Variants in ARID1B observed in about 807,000 individuals in gnomAD.
ARID1B encodes the protein AT-rich interaction domain 1B.
Under a neutral mutation model 212.3 loss-of-function variants are expected in ARID1B, and 30 were observed. That is an observed-to-expected ratio of 0.14 (90% CI 0.11 to 0.19). The LOEUF (loss-of-function observed/expected upper bound fraction) is 0.19. ARID1B is among the 10% of genes least tolerant of loss of function. The pLI is 1.00. For synonymous variants in ARID1B, 1,402 were observed against 1,301.7 expected (o/e 1.08, Z -1.66); for missense variants, 2,891 against 3,204.0 (o/e 0.90, Z 2.36).
intron 4 of ARID1B, among the ~76,000 whole-genome samples, chr6:157,062,976 A>AT (rs1783447441): frequency 1.3e-5 from 2 of 152,208 alleles, no homozygotes; most frequent in Non-Finnish European, 2.9e-5. Context: ...AAGTGCTGGG[A>AT]TTACAGCCGT....
At chr6:157,147,209 C>A in intron 7 of ARID1B, among the ~76,000 whole-genome samples, 1 of 98,098 alleles carries the variant, frequency 1.0e-5, no homozygotes. Context: ...CCGCCTCCGG[C>A]CCTGCCCTCC....
chr6:157,142,299 T>A (rs1460080842), intron 7 of ARID1B, among the ~76,000 whole-genome samples: 1 of 152,160 alleles, frequency 6.6e-6, no homozygotes, highest in East Asian at 1.9e-4. Flanking sequence ...GTGCTGTCGA[T>A]TACAGGATTA....
chr6:156,823,539 T>A (rs1213319098), intron 1 of ARID1B, among the ~76,000 whole-genome samples: 1 of 152,164 alleles, frequency 6.6e-6, no homozygotes, highest in African/African-American at 2.4e-5. Flanking sequence ...TTCAAAAGTT[T>A]TCTTTAGTTA....
At chr6:156,925,788 AT>A in intron 3 of ARID1B, among the ~76,000 whole-genome samples, 1 of 152,204 alleles carries the variant, frequency 6.6e-6, no homozygotes, top group African/African-American at 2.4e-5. Flanking sequence ...AATTGAAGGG[AT>A]TTAGTAGTCT....
At chr6:156,850,330 C>T (rs114011482) in intron 2 of ARID1B, among the ~76,000 whole-genome samples, 390 of 152,110 alleles carry the variant, frequency 2.6e-3, no homozygotes, top group African/African-American at 8.3e-3. Context: ...TGATTTTGGA[C>T]GCCAGTATTC....
intron 2 of ARID1B, among the ~76,000 whole-genome samples, chr6:156,899,208 T>C (rs1156235423): frequency 1.3e-5 from 2 of 150,300 alleles, no homozygotes; most frequent in Non-Finnish European, 3.0e-5. Flanking sequence ...GGCAGAGTCA[T>C]GTGACTGACC....
At chr6:157,025,343 A>G (rs1780590300) in intron 4 of ARID1B, among the ~76,000 whole-genome samples, 1 of 152,256 alleles carries the variant, frequency 6.6e-6, no homozygotes, top group African/African-American at 2.4e-5. Flanking sequence ...TTTTCTGAGC[A>G]TTGTGGATGG....
chr6:157,146,534 C>T (rs1210574110), intron 7 of ARID1B, among the ~76,000 whole-genome samples: 1 of 152,220 alleles, frequency 6.6e-6, no homozygotes, highest in Non-Finnish European at 1.5e-5. Flanking sequence ...ACTCTCCCTT[C>T]TCTCTTGCAC....
At chr6:156,894,293 T>TGGGATGGGGGCCGGGGGGG (rs1788206502) in intron 2 of ARID1B, among the ~76,000 whole-genome samples, 5 of 85,352 alleles carry the variant, frequency 5.9e-5, no homozygotes, top group African/African-American at 9.6e-5. Flanking sequence ...GGCCGGGGGG[T>TGGGATGGGGGCCGGGGGGG]TGGGATGGGG....
intron 4 of ARID1B, among the ~76,000 whole-genome samples, chr6:157,054,923 G>A (rs531611207): frequency 1.5e-4 from 23 of 152,204 alleles, no homozygotes; most frequent in Non-Finnish European, 2.9e-4. Context: ...CCCCAGTGGT[G>A]GGTCTCTTTT....
At chr6:156,815,153 A>G (rs1419199232) in intron 1 of ARID1B, among the ~76,000 whole-genome samples, 2 of 152,330 alleles carry the variant, frequency 1.3e-5, no homozygotes, top group East Asian at 3.9e-4. Context: ...AAAGAAGAGT[A>G]TGGGAAATTG....
intron 1 of ARID1B, among the ~76,000 whole-genome samples, chr6:156,800,896 TA>T (rs903817133): frequency 7.3e-5 from 11 of 150,498 alleles, no homozygotes; most frequent in East Asian, 3.9e-4. Flanking sequence ...CCGTGTCTCT[TA>T]AAAAAAAAAT....
chr6:157,152,189 C>T (rs1452662821), intron 8 of ARID1B: 1 of 152,222 alleles, frequency 6.6e-6, no homozygotes, highest in African/African-American at 2.4e-5. Context: ...CCAGAGGCCT[C>T]TTTAGACCCA....
At chr6:156,894,469 C>A (rs1314225144) in intron 2 of ARID1B, among the ~76,000 whole-genome samples, 2 of 152,070 alleles carry the variant, frequency 1.3e-5, no homozygotes, top group African/African-American at 4.8e-5. Flanking sequence ...TTAAAATGGT[C>A]AATTTTGTGT....
chr6:157,146,220 C>T (rs533931442), intron 7 of ARID1B, among the ~76,000 whole-genome samples: 2 of 152,330 alleles, frequency 1.3e-5, no homozygotes, highest in South Asian at 4.1e-4. Context: ...CAATGAAACC[C>T]CCATCAAGTG....
At chr6:157,166,875 C>A in intron 8 of ARID1B, 165 bp from the exon 9 acceptor site, 1 of 888,216 alleles carries the variant, frequency 1.1e-6, no homozygotes. Flanking sequence ...AGTTACCTAG[C>A]AATAGAATTC....
chr6:157,150,215 C>A (rs1402100827), intron 8 of ARID1B: 1 of 152,122 alleles, frequency 6.6e-6, no homozygotes, highest in Non-Finnish European at 1.5e-5. Flanking sequence ...TGGCACGCAG[C>A]CTTTGGAGGG....
At chr6:156,823,500 C>T (rs2128024619) in intron 1 of ARID1B, among the ~76,000 whole-genome samples, 1 of 152,220 alleles carries the variant, frequency 6.6e-6, no homozygotes, top group Middle Eastern at 3.4e-3. Flanking sequence ...CACCCCCTGC[C>T]CTGTTTGAGC....
intron 4 of ARID1B, chr6:156,943,727 A>G (rs563264051): frequency 6.6e-6 from 1 of 152,136 alleles, no homozygotes; most frequent in Non-Finnish European, 1.5e-5. Context: ...TCACTTACTA[A>G]TAGCTAATTT....
Sources: gnomAD v4.1 joint callset for allele counts (sites outside exome capture counted in the v4.1 genomes callset) on GRCh38, gnomAD v4.1.1 for gene constraint, MANE v1.5 for transcripts, NCBI Gene and HGNC (gene_info 2026-07-23, HGNC 2026-07-21) for gene names.